The following NPAS3 variants were observed in gnomAD, a reference collection of about 807,000 sequenced individuals.
The protein encoded by NPAS3 is neuronal PAS domain-containing protein 3.
In NPAS3, 14 loss-of-function variants were observed where a neutral mutation model predicts 73.1. The ratio of observed to expected loss-of-function variants is 0.19; its 90% CI spans 0.13 to 0.30. The LOEUF (loss-of-function observed/expected upper bound fraction) is 0.30, where lower values mean the gene tolerates loss of function less well. NPAS3 is among the 10% of genes least tolerant of loss of function. The pLI is 1.00. For missense variants in NPAS3, 1,096 were observed against 1,250.0 expected (o/e 0.88, Z 1.86); for synonymous variants, 620 against 541.5 (o/e 1.14, Z -2.01).
chr14:33,320,945 T>TC (rs1394590403), intron 3 of NPAS3, among the ~76,000 whole-genome samples: 1 of 152,110 alleles, frequency 6.6e-6, no homozygotes, highest in Non-Finnish European at 1.5e-5. Context: ...TCCTCCAGCC[T>TC]CTCCAGCTGG....
intron 1 of NPAS3, among the ~76,000 whole-genome samples, chr14:32,974,796 C>G (rs1265534070): frequency 2.6e-5 from 4 of 152,254 alleles, no homozygotes; most frequent in African/African-American, 9.6e-5. Context: ...CTCTTTACAT[C>G]TCATTGGTCA....
chr14:33,643,103 G>A (rs1217215777), intron 5 of NPAS3, among the ~76,000 whole-genome samples: 2 of 152,004 alleles, frequency 1.3e-5, no homozygotes, highest in African/African-American at 2.4e-5. Context: ...ACTTTTCAAT[G>A]CAGCCCTCGT....
intron 7 of NPAS3, among the ~76,000 whole-genome samples, chr14:33,757,574 T>G (rs1013704631): frequency 2.0e-5 from 3 of 152,190 alleles, no homozygotes; most frequent in Non-Finnish European, 2.9e-5. Flanking sequence ...GTTAGGCAGC[T>G]GCCCACCCAA....
intron 5 of NPAS3, among the ~76,000 whole-genome samples, chr14:33,590,063 A>G (rs188246956): frequency 1.5e-3 from 233 of 152,298 alleles, no homozygotes; most frequent in African/African-American, 5.3e-3. Context: ...AAGTTATCCC[A>G]CCTCAGTTTT....
At chr14:33,580,366 C>T (rs999417618) in intron 5 of NPAS3, among the ~76,000 whole-genome samples, 5 of 152,154 alleles carry the variant, frequency 3.3e-5, no homozygotes, top group African/African-American at 1.2e-4. Context: ...TGCTATGAAC[C>T]TAATCCCATG....
At chr14:33,276,019 G>A (rs1169942664) in intron 3 of NPAS3, among the ~76,000 whole-genome samples, 1 of 152,024 alleles carries the variant, frequency 6.6e-6, no homozygotes, top group South Asian at 2.1e-4. Flanking sequence ...CCCTACTGGG[G>A]TACTCTATAT....
intron 5 of NPAS3, among the ~76,000 whole-genome samples, chr14:33,585,561 A>C (rs574104148): frequency 3.3e-5 from 5 of 152,274 alleles, no homozygotes; most frequent in African/African-American, 1.2e-4. Context: ...TCTTTTACAA[A>C]TTTTCTGATT....
intron 3 of NPAS3, among the ~76,000 whole-genome samples, chr14:33,233,114 G>C (rs2047911912): frequency 1.3e-5 from 2 of 152,278 alleles, no homozygotes; most frequent in Non-Finnish European, 2.9e-5. Flanking sequence ...TTACTTAAAT[G>C]ATGACTGATC....
At chr14:33,137,206 A>C (rs1251822076) in intron 2 of NPAS3, among the ~76,000 whole-genome samples, 1 of 152,216 alleles carries the variant, frequency 6.6e-6, no homozygotes, top group Non-Finnish European at 1.5e-5. Context: ...AATTAACATG[A>C]GGACATTAAG....
At chr14:33,175,629 G>T (rs1200900487) in intron 2 of NPAS3, among the ~76,000 whole-genome samples, 2 of 152,066 alleles carry the variant, frequency 1.3e-5, no homozygotes, top group Non-Finnish European at 2.9e-5. Flanking sequence ...TTAATAAGTG[G>T]CAATACATGC....
chr14:33,505,334 T>G (rs2052704172), intron 4 of NPAS3, among the ~76,000 whole-genome samples: 1 of 152,002 alleles, frequency 6.6e-6, no homozygotes, highest in African/African-American at 2.4e-5. Flanking sequence ...GGAGAAAAGT[T>G]GTACACTCTC....
At chr14:33,709,708 C>G (rs541932418) in intron 6 of NPAS3, among the ~76,000 whole-genome samples, 1 of 152,124 alleles carries the variant, frequency 6.6e-6, no homozygotes, top group East Asian at 1.9e-4. Flanking sequence ...AAAGGTTTAC[C>G]GCCTGCTAAT....
intron 3 of NPAS3, among the ~76,000 whole-genome samples, chr14:33,263,277 A>G (rs1220168274): frequency 6.6e-6 from 1 of 152,166 alleles, no homozygotes; most frequent in East Asian, 1.9e-4. Flanking sequence ...TCTTTAATCC[A>G]TCTTGAATTA....
chr14:33,756,950 A>G (rs1166083543), intron 7 of NPAS3, among the ~76,000 whole-genome samples: 1 of 152,200 alleles, frequency 6.6e-6, no homozygotes, highest in Admixed American at 6.5e-5. Flanking sequence ...AGAAGAGGAA[A>G]AGGGATTTGA....
chr14:33,431,657 C>T (rs2048788707), intron 4 of NPAS3, among the ~76,000 whole-genome samples: 2 of 152,130 alleles, frequency 1.3e-5, no homozygotes. Flanking sequence ...ATCTAGAGTT[C>T]ACCTTTTCTC....
chr14:33,570,480 A>C (rs1363506542), intron 5 of NPAS3, among the ~76,000 whole-genome samples: 1 of 152,184 alleles, frequency 6.6e-6, no homozygotes, highest in Non-Finnish European at 1.5e-5. Context: ...ATAAGAGGTG[A>C]GACTAGGAAC....
rs114153000 is a variant in NPAS3, at chr14:32,950,979, A to G, written c.50+11613A>G. Among the ~76,000 whole-genome samples, 1,301 of 152,236 alleles carry G rather than the reference A, an allele frequency of 8.5e-3. 18 individuals are homozygous for G. The highest frequency in any genetic ancestry group is 0.03 in the African/African-American group (1,242 of 41,546). ...AAAGCAAGAGTTCCATTACTCAGTAATAAATGTGTACTTAAGACAGAAGCC... is the reference window on the plus strand; with the variant it reads ...AAAGCAAGAGTTCCATTACTCAGTAGTAAATGTGTACTTAAGACAGAAGCC... On this transcript the variant is annotated intron_variant, in intron 1 of 11. Transcript: ENST00000356141.
chr14:33,065,928 C>G (rs1178017172), intron 2 of NPAS3, among the ~76,000 whole-genome samples: 1 of 152,114 alleles, frequency 6.6e-6, no homozygotes, highest in Non-Finnish European at 1.5e-5. Flanking sequence ...TTTGCTTCCT[C>G]TCTTCAACTC....
intron 3 of NPAS3, 55 bp from the exon 4 acceptor site, chr14:33,367,131 T>C (rs2045878155): frequency 1.3e-6 from 1 of 765,488 alleles, no homozygotes; most frequent in Admixed American, 2.5e-5. Context: ...GCTGAAGATA[T>C]GAATCAGAGC....
Sources: allele counts gnomAD v4.1 joint callset (sites outside exome capture counted in the v4.1 genomes callset), GRCh38; gene constraint gnomAD v4.1.1; transcripts MANE v1.5; gene names NCBI Gene and HGNC (gene_info 2026-07-23, HGNC 2026-07-21).